The following HELZ2 variants were observed in gnomAD, a reference collection of about 807,000 sequenced individuals.
The protein encoded by HELZ2 is helicase with zinc finger 2.
A neutral mutation model predicts 208.8 loss-of-function variants in HELZ2; 143 were observed. That is an observed-to-expected ratio of 0.68 (90% confidence interval 0.60 to 0.79). HELZ2 has a LOEUF of 0.79. HELZ2 is among the 30% of genes least tolerant of loss of function. The pLI is 0.00. For missense variants in HELZ2, 3,690 were observed against 3,794.5 expected (o/e 0.97, Z 0.72); for synonymous variants, 1,705 against 1,693.7 (o/e 1.01, Z -0.16).
rs747464043 is a variant in HELZ2 at position 63,561,285 on chromosome 20, C to T, written c.6954-11G>A. The T allele has an allele frequency of 6.2e-7, 1 of 1,612,400 alleles. No homozygotes were observed. Among genetic ancestry groups the T allele is most frequent in the Non-Finnish European group, 8.5e-7 (1 of 1,179,606 alleles). On this transcript the variant is annotated splice_polypyrimidine_tract_variant and intron_variant, in intron 13 of 18. Transcript: ENST00000467148. ...AAGACCTTCTTGTACCTGCCGGGGA[C>T]ACTGCTTGTCACCCCAGGGCCCCCA...
rs1038390557 is a variant in HELZ2, at chr20:63,560,333, G to A, written c.7501-6C>T. 1.1e-5 allele frequency: 17 copies of A among 1,552,684 alleles called. No individual in the cohort carries two copies. Among genetic ancestry groups the A allele is most frequent in the Admixed American group, 9.4e-5 (5 of 53,348 alleles). Reference sequence around the variant, plus strand: ...AGCTGCTTGGTGATACGGACCTGAGGAGCCGAGGGGGCAGGTGGAGCGGAC... The same window carrying A: ...AGCTGCTTGGTGATACGGACCTGAGAAGCCGAGGGGGCAGGTGGAGCGGAC... On this transcript the variant is annotated splice_region_variant and splice_polypyrimidine_tract_variant and intron_variant, in intron 16 of 18. Transcript: ENST00000467148.
At chr20:63,561,525 A>T in intron 12 of HELZ2, 59 bp from the exon 14 acceptor site, 1 of 1,575,406 alleles carries the variant, frequency 6.3e-7, no homozygotes, top group Non-Finnish European at 8.6e-7. Context: ...GGCAGAGCTC[A>T]GTGAGACCCA....
intron 15 of HELZ2, 39 bp from the exon 17 acceptor site, chr20:63,560,736 C>A (rs201718785): frequency 2.5e-6 from 4 of 1,603,964 alleles, no homozygotes; most frequent in Non-Finnish European, 3.4e-6. Flanking sequence ...GGCTGCCACG[C>A]GGGGTTGTGG....
intron 6 of HELZ2, 103 bp downstream of exon 7, chr20:63,566,741 T>TA: frequency 6.7e-6 from 8 of 1,195,998 alleles, no homozygotes; most frequent in Non-Finnish European, 9.3e-6. Context: ...AGCCCCCTCT[T>TA]ACAGATGGGG....
chr20:63,568,192 C>A (rs1410125778), intron 5 of HELZ2, 166 bp downstream of exon 6: 5 of 631,336 alleles, frequency 7.9e-6, no homozygotes, highest in Non-Finnish European at 1.4e-5. Context: ...GACCCGGCCA[C>A]CCTCGGTGCC....
Position 63,564,791 on chromosome 20 carries a change from GT to G in HELZ2, c.4030del (p.Thr1344LeufsTer97), listed in dbSNP as rs2082931514. ...GTTGCAGGCGCCCTGGGGGTCCACA[GT>G]GAAGGTCAAGAAGGCGCGGCAGTCC... On this transcript the variant is annotated frameshift_variant, in exon 8 of 19. Transcript: ENST00000467148. LOFTEE classifies it high-confidence loss of function. 2 of 1,611,448 alleles carry G rather than the reference GT, an allele frequency of 1.2e-6. No individual in the cohort carries two copies. The highest frequency in any genetic ancestry group is 3.3e-5 in the Admixed American group (2 of 59,992).
chr20:63,559,835 C>G (rs550379485), intron 18 of HELZ2, 93 bp downstream of exon 19: 11 of 1,365,706 alleles, frequency 8.1e-6, no homozygotes, highest in South Asian at 2.5e-5. Context: ...AGGGTCAGGT[C>G]GGAGTCAGGG....
At chr20:63,569,218 T>C in exon 4 of HELZ2, 1 of 1,557,114 alleles carries the variant, frequency 6.4e-7, no homozygotes, top group South Asian at 1.2e-5. Flanking sequence ...CGATAGTTGG[T>C]TGGTGAGATG....
chr20:63,563,289 C>A (rs923284306), exon 8 of HELZ2: 5 of 1,550,688 alleles, frequency 3.2e-6, no homozygotes, highest in Admixed American at 3.7e-5. Context: ...TGGATGAGAG[C>A]AGCCGCCTCC....
upstream of HELZ2, among the ~76,000 whole-genome samples, chr20:63,573,603 C>A (rs1249729204): frequency 6.6e-6 from 1 of 152,270 alleles, no homozygotes; most frequent in Admixed American, 6.5e-5. The surrounding 1 kb of genome is among the most constrained non-coding windows in gnomAD (Gnocchi z 4.9). Context: ...GTCCTGTGCA[C>A]CCCAGGGCCT....
In HELZ2 at chr20:63,562,312, G is replaced by T. The variant is rs752628589; in HGVS notation, c.6373C>A (p.Pro2125Thr). ...CCTCTGCAGAGGGGCTGCGGGACAGGCCGGCCCAGTGCGATGCTGGTGACC... is the reference window on the plus strand; with the variant it reads ...CCTCTGCAGAGGGGCTGCGGGACAGTCCGGCCCAGTGCGATGCTGGTGACC... Residue 2125 changes from proline (P) to threonine (T), a missense_variant, in exon 9 of 19, where the codon CCT becomes ACT. By Grantham distance (38) the Pro-to-Thr change is conservative (BLOSUM62 -1). Coordinates refer to ENST00000467148, the Ensembl canonical transcript of HELZ2. 5.6e-6 allele frequency: 9 copies of T among 1,600,102 alleles called. No individual in the cohort carries two copies. The Admixed American group carries it at 1.5e-4, about 27-fold the overall frequency.
At position 63,572,303 on chromosome 20, in the gene HELZ2, C is replaced by A. The variant is rs368604390; in HGVS notation, c.83G>T (p.Arg28Leu). The change falls in exon 1 of 19, where the codon CGC (arginine) becomes CTC (leucine). Residue 28 changes from arginine to leucine, a missense_variant. This residue lies in a region of HELZ2 where 1,119 missense variants were observed against 1,193.4 expected (regional missense o/e 0.94). Coordinates refer to ENST00000467148, the Ensembl canonical transcript of HELZ2. Reference sequence around the variant, plus strand: ...AGGGGGCTGGCCAAGGGGGGCCGTGCGCCCGTCGCCATCAGGGGCAGGGGG... The same window carrying A: ...AGGGGGCTGGCCAAGGGGGGCCGTGAGCCCGTCGCCATCAGGGGCAGGGGG... 22 of 1,585,102 alleles carry A rather than the reference C, an allele frequency of 1.4e-5. No individual in the cohort carries two copies. Among genetic ancestry groups the A allele is most frequent in the Non-Finnish European group, 1.8e-5 (21 of 1,168,388 alleles).
At chr20:63,560,439 C>G (rs1352211709) in intron 16 of HELZ2, 40 bp downstream of exon 17, 2 of 1,600,230 alleles carry the variant, frequency 1.2e-6, no homozygotes, top group Non-Finnish European at 1.7e-6. Context: ...GCCACCTCCT[C>G]CAGAAAGCCC....
At chr20:63,562,260 G>A (rs1301193566) in intron 9 of HELZ2, 28 bp downstream of exon 10, 1 of 1,598,434 alleles carries the variant, frequency 6.3e-7, no homozygotes, top group Non-Finnish European at 8.5e-7. Context: ...GGGCCAGAGG[G>A]GAAGCTGGAG....
At chr20:63,565,240 C>A (rs1316202234) in exon 8 of HELZ2, 1 of 1,607,132 alleles carries the variant, frequency 6.2e-7, no homozygotes, top group Non-Finnish European at 8.5e-7. Context: ...TCCTCTTCAG[C>A]ACGCCCAGCA....
At chr20:63,569,867 C>A (rs560354004) in intron 3 of HELZ2, among the ~76,000 whole-genome samples, 270 of 152,328 alleles carry the variant, frequency 1.8e-3, no homozygotes, top group Middle Eastern at 3.4e-3. Context: ...TCCTGGGGCC[C>A]CTGTGGATGT....
At chr20:63,560,626 C>G (rs750225888) in exon 16 of HELZ2, 6 of 1,610,956 alleles carry the variant, frequency 3.7e-6, no homozygotes, top group Middle Eastern at 1.6e-4. Flanking sequence ...TGGGCGGCCT[C>G]CTCAGGCCCT....
rs1270917288 is a variant in HELZ2 at position 63,572,259 on chromosome 20, G to A, written c.127C>T (p.Pro43Ser). Residue 43 changes from proline to serine, a missense_variant, in exon 1 of 19, where the codon CCG (proline) becomes TCG (serine). This residue lies in a region of HELZ2 where 1,119 missense variants were observed against 1,193.4 expected (regional missense o/e 0.94). Coordinates refer to ENST00000467148, the Ensembl canonical transcript of HELZ2. ...GAGTGGCAGGTGACCAAGCAGGCCG[G>A]GCAGTACAGCTGGGCCCCAGGGGGC... The A allele has an allele frequency of 1.0e-5, 16 of 1,586,914 alleles. No individual in the cohort carries two copies. The highest frequency in any genetic ancestry group is 1.2e-5 in the Non-Finnish European group (14 of 1,167,696).
chr20:63,560,252 C>A (rs573248815), exon 17 of HELZ2: 1 of 1,560,820 alleles, frequency 6.4e-7, no homozygotes, highest in Non-Finnish European at 8.6e-7. Flanking sequence ...GAGGCCTGCG[C>A]GTTGTAGGGC....
Sources: allele counts gnomAD v4.1 joint callset (sites outside exome capture counted in the v4.1 genomes callset), GRCh38; gene constraint gnomAD v4.1.1; regional missense constraint gnomAD v4.1.1; non-coding constraint Gnocchi (gnomAD v3.1); transcripts MANE v1.5; gene names NCBI Gene and HGNC (gene_info 2026-07-23, HGNC 2026-07-21).